Variants in FGF14 observed in about 807,000 individuals in gnomAD.
The protein encoded by FGF14 is fibroblast growth factor homologous factor 4.
FGF14 carries 5 observed loss-of-function variants against 25.5 expected under a neutral mutation model. The observed-to-expected ratio is 0.20, with a 90% CI of 0.10 to 0.41. The LOEUF (loss-of-function observed/expected upper bound fraction) is 0.41. Ranked by LOEUF, FGF14 falls within the 10% of genes least tolerant of loss-of-function variation. The pLI is 1.00. For synonymous variants in FGF14, 138 were observed against 118.3 expected, an observed-to-expected ratio of 1.17 and a Z score of -1.08; for missense variants, 222 against 320.1, an observed-to-expected ratio of 0.69 and a Z score of 2.34.
intron 1 of FGF14, among the ~76,000 whole-genome samples, chr13:102,105,606 A>C (rs534499802): frequency 3.0e-4 from 45 of 152,224 alleles, no homozygotes; most frequent in Non-Finnish European, 6.3e-4. Context: ...AAAGCGTGAA[A>C]TATTACAATG....
At chr13:101,865,641 T>C (rs1395361925) in intron 3 of FGF14, among the ~76,000 whole-genome samples, 1 of 152,096 alleles carries the variant, frequency 6.6e-6, no homozygotes, top group East Asian at 1.9e-4. Flanking sequence ...AAGGTGGAAT[T>C]ATCTGACACA....
At chr13:101,965,073 T>C (rs2037102111) in intron 1 of FGF14, among the ~76,000 whole-genome samples, 1 of 151,982 alleles carries the variant, frequency 6.6e-6, no homozygotes, top group Non-Finnish European at 1.5e-5. Context: ...GAGACCCCCT[T>C]GTCTACTAAA....
chr13:101,859,586 A>C (rs192318471), intron 3 of FGF14, among the ~76,000 whole-genome samples: 8 of 152,288 alleles, frequency 5.3e-5, no homozygotes, highest in African/African-American at 9.6e-5. Context: ...TATTTAAGTT[A>C]TGAATATTGA....
chr13:101,916,950 G>A (rs2033581554), upstream of FGF14, among the ~76,000 whole-genome samples: 2 of 151,922 alleles, frequency 1.3e-5, no homozygotes, highest in South Asian at 4.1e-4. Flanking sequence ...GGCTGCGGGC[G>A]CTGCTGGTCA....
chr13:101,767,425 C>T (rs2139946413), intron 3 of FGF14, among the ~76,000 whole-genome samples: 1 of 152,120 alleles, frequency 6.6e-6, no homozygotes, highest in South Asian at 2.1e-4. Context: ...CGATATAGAG[C>T]AAAGCTTTAC....
intron 1 of FGF14, among the ~76,000 whole-genome samples, chr13:102,094,375 C>G (rs2044298838): frequency 6.6e-6 from 1 of 152,078 alleles, no homozygotes; most frequent in African/African-American, 2.4e-5. Flanking sequence ...ATGAAGATAA[C>G]AAGAGAAGCT....
At chr13:101,796,640 A>G (rs2040540493) in intron 3 of FGF14, among the ~76,000 whole-genome samples, 1 of 152,004 alleles carries the variant, frequency 6.6e-6, no homozygotes, top group Non-Finnish European at 1.5e-5. Flanking sequence ...AAAAGAGGAG[A>G]TTTGTACATA....
chr13:102,248,512 G>A (rs1297535043), intron 1 of FGF14, among the ~76,000 whole-genome samples: 1 of 152,098 alleles, frequency 6.6e-6, no homozygotes, highest in Non-Finnish European at 1.5e-5. Flanking sequence ...TAGATTTGAT[G>A]TGTTCAGTAT....
chr13:101,714,526 C>G lies in FGF14; in HGVS notation c.*8305G>C. Reference sequence around the variant, plus strand: ...GTGACTGTGATGACAGAGACTGCGACAAACATGATGGTCTCATTTGTACAG... The same window carrying G: ...GTGACTGTGATGACAGAGACTGCGAGAAACATGATGGTCTCATTTGTACAG... On this transcript the variant is annotated 3_prime_UTR_variant, in exon 5 of 5. Transcript: ENST00000376143. 6.2e-7 allele frequency: 1 copy of G among 1,606,298 alleles called. No individual in the cohort carries two copies. The highest frequency in any genetic ancestry group is 1.1e-5 in the South Asian group (1 of 90,880).
At chr13:101,918,458 T>C (rs1159079695), upstream of FGF14, among the ~76,000 whole-genome samples, 2 of 152,170 alleles carry the variant, frequency 1.3e-5, no homozygotes, top group African/African-American at 4.8e-5. Flanking sequence ...ATCAAGAGAC[T>C]TGCAACAACC....
intron 1 of FGF14, among the ~76,000 whole-genome samples, chr13:101,964,835 T>C (rs1015101770): frequency 6.6e-6 from 1 of 152,232 alleles, no homozygotes; most frequent in Admixed American, 6.5e-5. Flanking sequence ...AGTTGTGCAC[T>C]TTCCCTGATA....
chr13:102,169,448 A>G (rs1212050406), intron 1 of FGF14, among the ~76,000 whole-genome samples: 1 of 151,676 alleles, frequency 6.6e-6, no homozygotes, highest in Non-Finnish European at 1.5e-5. Flanking sequence ...TTTCTGAACC[A>G]TGTGTAAAAG....
intron 1 of FGF14, among the ~76,000 whole-genome samples, chr13:102,189,470 A>G (rs747692125): frequency 3.9e-5 from 6 of 152,188 alleles, no homozygotes; most frequent in Admixed American, 1.3e-4. Context: ...TTGATATGAA[A>G]AAGAAGAACT....
chr13:102,218,058 T>A (rs956390578), intron 1 of FGF14, among the ~76,000 whole-genome samples: 1 of 152,340 alleles, frequency 6.6e-6, no homozygotes, highest in South Asian at 2.1e-4. Context: ...CTCTCTTGTA[T>A]TCGTGTGCTC....
rs1292831798 is a variant in FGF14 at position 101,721,558 on chromosome 13, A to AAAT, written c.*1270_*1272dup. ...GCTGAGCTAGAGGCATGTACTGGTG[A>AAAT]AATACACAGTACCGGACTCAGCATG... On this transcript the variant is annotated 3_prime_UTR_variant, in exon 5 of 5. Coordinates refer to ENST00000376143, the MANE Select transcript of FGF14 (RefSeq NM_004115.4). 6.6e-6 allele frequency: 1 copy of AAAT among 152,166 alleles called. No individual in the cohort carries two copies. The highest frequency in any genetic ancestry group is 1.5e-5 in the Non-Finnish European group (1 of 68,020). 9.4% of individuals were successfully genotyped at this position (152,166 alleles called of 1,614,324 possible).
intron 3 of FGF14, among the ~76,000 whole-genome samples, chr13:101,824,152 C>CTT: frequency 6.6e-6 from 1 of 151,902 alleles, no homozygotes; most frequent in East Asian, 1.9e-4. Flanking sequence ...AGACTGACTT[C>CTT]TTTTTTTTAA....
At chr13:101,724,649 G>A (rs962408519) in intron 4 of FGF14, among the ~76,000 whole-genome samples, 1 of 117,854 alleles carries the variant, frequency 8.5e-6, no homozygotes, top group East Asian at 2.2e-4. Flanking sequence ...AGATATGAAT[G>A]CCCTAGAGTA....
intron 1 of FGF14, among the ~76,000 whole-genome samples, chr13:102,279,236 C>A (rs1195579912): frequency 6.7e-6 from 1 of 149,336 alleles, no homozygotes; most frequent in Non-Finnish European, 1.5e-5. Context: ...AAGGTTTATA[C>A]AATGTTTTCA....
chr13:101,981,302 C>G (rs1458656112), intron 1 of FGF14, among the ~76,000 whole-genome samples: 1 of 151,884 alleles, frequency 6.6e-6, no homozygotes, highest in African/African-American at 2.4e-5. Flanking sequence ...ATAAAAGAGG[C>G]CCCAGTAAGC....
Sources: allele counts gnomAD v4.1 joint callset (sites outside exome capture counted in the v4.1 genomes callset), GRCh38; gene constraint gnomAD v4.1.1; transcripts MANE v1.5; gene names NCBI Gene and HGNC (gene_info 2026-07-23, HGNC 2026-07-21).